Variants in NALCN observed in about 807,000 individuals in gnomAD.
NALCN encodes sodium leak channel, non-selective.
A neutral mutation model predicts 225.3 loss-of-function variants in NALCN; 111 were observed. The ratio of observed to expected loss-of-function variants is 0.49; its 90% CI spans 0.42 to 0.58. NALCN has a LOEUF of 0.58. Ranked by LOEUF, NALCN falls within the 20% of genes least tolerant of loss-of-function variation. NALCN has a pLI of 0.00. For synonymous variants in NALCN, 764 were observed against 769.0 expected, an observed-to-expected ratio of 0.99 and a Z score of 0.11; for missense variants, 1,378 against 2,202.4, an observed-to-expected ratio of 0.63 and a Z score of 7.49.
Position 101,229,600 on chromosome 13 carries a change from G to T in NALCN, c.1435-16C>A. The T allele has an allele frequency of 1.3e-6, 2 of 1,528,684 alleles. No individual in the cohort carries two copies. The highest frequency in any genetic ancestry group is 8.8e-7 in the Non-Finnish European group (1 of 1,138,826). 94.7% of individuals were successfully genotyped at this position (1,528,684 alleles called of 1,614,324 possible). A position where few individuals can be genotyped will look rare whatever the true frequency, so the allele number is the denominator to read the frequency against. ...CTCGGAGAACCTATCAAGGGAGAGAGAAACATTTATTTACACATATGATCA... is the reference window on the plus strand; with the variant it reads ...CTCGGAGAACCTATCAAGGGAGAGATAAACATTTATTTACACATATGATCA... On this transcript the variant is annotated splice_polypyrimidine_tract_variant and intron_variant, in intron 12 of 43. Transcript: ENST00000251127.
At chr13:101,273,662 C>T (rs1245519047) in intron 10 of NALCN, among the ~76,000 whole-genome samples, 1 of 151,864 alleles carries the variant, frequency 6.6e-6, no homozygotes, top group Non-Finnish European at 1.5e-5. Flanking sequence ...GATAAACAAG[C>T]AATCTACAGT....
intron 15 of NALCN, among the ~76,000 whole-genome samples, chr13:101,170,545 C>T (rs956980018): frequency 2.0e-5 from 3 of 152,174 alleles, no homozygotes; most frequent in Non-Finnish European, 2.9e-5. Flanking sequence ...AACTATCATG[C>T]AGCTTAAGGC....
intron 3 of NALCN, among the ~76,000 whole-genome samples, chr13:101,390,656 G>C (rs771503194): frequency 6.6e-6 from 1 of 151,608 alleles, no homozygotes; most frequent in Non-Finnish European, 1.5e-5. Flanking sequence ...AAAAGAGCAA[G>C]CCACTTCGAG....
chr13:101,144,105 A>G (rs2139792408), intron 16 of NALCN, among the ~76,000 whole-genome samples: 1 of 152,324 alleles, frequency 6.6e-6, no homozygotes, highest in Non-Finnish European at 1.5e-5. Flanking sequence ...ATATTACTGT[A>G]ATTCTGTTTG....
In NALCN at chr13:101,374,686, C is replaced by CATTT. The variant is rs146163831; in HGVS notation, c.644+2010_644+2013dup. Among the ~76,000 whole-genome samples, 991 of 152,232 alleles carry CATTT rather than the reference C, an allele frequency of 6.5e-3. 7 individuals carry two copies. The highest frequency in any genetic ancestry group is 0.023 in the African/African-American group (947 of 41,534). ...TAATAGATTATGCTTTACTGTTTAACATTTAACCAGTGAAATTATACTGAT... is the reference window on the plus strand; with the variant it reads ...TAATAGATTATGCTTTACTGTTTAACATTTATTTAACCAGTGAAATTATACTGAT... On this transcript the variant is annotated intron_variant, in intron 6 of 43. Transcript: ENST00000251127.
At chr13:101,080,880 T>G (rs548752064) in intron 34 of NALCN, among the ~76,000 whole-genome samples, 6 of 152,096 alleles carry the variant, frequency 3.9e-5, no homozygotes, top group African/African-American at 9.6e-5. Context: ...TTATTTTCAT[T>G]GGACAATATG....
intron 3 of NALCN, among the ~76,000 whole-genome samples, chr13:101,389,100 C>G (rs1189352979): frequency 6.6e-6 from 1 of 152,202 alleles, no homozygotes; most frequent in Non-Finnish European, 1.5e-5. Context: ...CTATGCTTAT[C>G]TAAACCTAGT....
At chr13:101,271,405 C>T (rs1294524037) in intron 10 of NALCN, among the ~76,000 whole-genome samples, 3 of 152,038 alleles carry the variant, frequency 2.0e-5, no homozygotes, top group Non-Finnish European at 4.4e-5. Flanking sequence ...CCACTGACTT[C>T]AAAATTACAA....
chr13:101,086,654 C>A lies in NALCN; in HGVS notation c.3490-2850G>T, dbSNP rs115781545. 3.5e-3 allele frequency among the ~76,000 whole-genome samples: 530 copies of A among 152,060 alleles called. 4 individuals carry two copies. Among genetic ancestry groups the A allele is most frequent in the African/African-American group, 0.012 (515 of 41,536 alleles). On this transcript the variant is annotated intron_variant, in intron 30 of 43. Coordinates refer to ENST00000251127, the MANE Select transcript of NALCN (RefSeq NM_052867.4). ...CTTGATTGTGTTTATTGTATCAAAT[C>A]TCATATTTCCTTTTATTCTACTCTG...
At chr13:101,163,906 C>A (rs958783574) in intron 15 of NALCN, among the ~76,000 whole-genome samples, 14 of 152,178 alleles carry the variant, frequency 9.2e-5, no homozygotes, top group African/African-American at 3.4e-4. Context: ...CTCCATGGGA[C>A]TTTTCCAGCT....
At chr13:101,415,222 TATAC>T (rs549671833) in intron 1 of NALCN, among the ~76,000 whole-genome samples, 3,246 of 82,972 alleles carry the variant, frequency 0.039, 229 homozygotes, top group African/African-American at 0.18. Flanking sequence ...TATATATATA[TATAC>T]ATACATATAT....
At chr13:101,411,206 T>A (rs184592723) in intron 1 of NALCN, among the ~76,000 whole-genome samples, 1 of 150,044 alleles carries the variant, frequency 6.7e-6, no homozygotes, top group African/African-American at 2.5e-5. Flanking sequence ...TTATCCTCTT[T>A]CTTTTTTTTC....
chr13:101,389,309 C>G (rs142152909), intron 3 of NALCN, among the ~76,000 whole-genome samples: 1 of 152,244 alleles, frequency 6.6e-6, no homozygotes, highest in Non-Finnish European at 1.5e-5. Context: ...TAAATGGCAA[C>G]ATTTGTAGAA....
At chr13:101,182,956 T>C (rs1228139442) in intron 14 of NALCN, among the ~76,000 whole-genome samples, 1 of 152,216 alleles carries the variant, frequency 6.6e-6, no homozygotes, top group Non-Finnish European at 1.5e-5. Context: ...AATGATACAG[T>C]ATTTTCCTAC....
Position 101,104,868 on chromosome 13 carries a change from T to A in NALCN, c.2636+26A>T, listed in dbSNP as rs766810912. 5 of 1,612,070 alleles carry A rather than the reference T, an allele frequency of 3.1e-6. No individual in the cohort carries two copies. Among genetic ancestry groups the A allele is most frequent in the Non-Finnish European group, 4.2e-6 (5 of 1,178,484 alleles). ...AGTACATGAAAACTTTAAATGTGCATGGAAAATGAAGTTGGTGATGCTTAC... is the reference window on the plus strand; with the variant it reads ...AGTACATGAAAACTTTAAATGTGCAAGGAAAATGAAGTTGGTGATGCTTAC... On this transcript the variant is annotated intron_variant, in intron 23 of 43. Coordinates refer to ENST00000251127, the MANE Select transcript of NALCN (RefSeq NM_052867.4). This position sits in a 1 kb window ranked among gnomAD's most constrained non-coding sequence, Gnocchi z 4.2.
chr13:101,216,566 AAGAC>A (rs1333450739), intron 13 of NALCN, among the ~76,000 whole-genome samples: 29 of 152,268 alleles, frequency 1.9e-4, no homozygotes, highest in African/African-American at 3.8e-4. Flanking sequence ...AAATACATGA[AAGAC>A]AGAACAAAAA....
At chr13:101,274,258 C>CAAAA (rs1555327589) in intron 10 of NALCN, among the ~76,000 whole-genome samples, 1 of 97,320 alleles carries the variant, frequency 1.0e-5, no homozygotes. Context: ...AATAGCAAAA[C>CAAAA]AATCAAGCTC....
rs561131731 is a variant in NALCN, at chr13:101,409,423, G to A, written c.-40+6890C>T. On this transcript the variant is annotated intron_variant, in intron 1 of 43. Coordinates refer to ENST00000251127, the MANE Select transcript of NALCN (RefSeq NM_052867.4). ...CTCACTCATCTTGCATAACTGAAAC[G>A]TTCTACCCAGTAATTAACAACTCCC... 3.0e-4 allele frequency among the ~76,000 whole-genome samples: 46 copies of A among 152,204 alleles called. 1 individual carries two copies. The highest frequency in any genetic ancestry group is 1.0e-3 in the African/African-American group (42 of 41,532).
chr13:101,093,640 T>C (rs1011456894), intron 28 of NALCN, among the ~76,000 whole-genome samples: 1 of 152,232 alleles, frequency 6.6e-6, no homozygotes, highest in African/African-American at 2.4e-5. Context: ...AAAAATCCCA[T>C]GTAGCTGGTT....
Sources: allele counts gnomAD v4.1 joint callset (sites outside exome capture counted in the v4.1 genomes callset), GRCh38; gene constraint gnomAD v4.1.1; non-coding constraint Gnocchi (gnomAD v3.1); transcripts MANE v1.5; gene names NCBI Gene and HGNC (gene_info 2026-07-23, HGNC 2026-07-21).